The following CAPZA1 variants were observed in gnomAD, a reference collection of about 807,000 sequenced individuals.
CAPZA1 encodes the protein F-actin-capping protein subunit alpha-1.
A neutral mutation model predicts 40.8 loss-of-function variants in CAPZA1; 10 were observed. That is an observed-to-expected ratio of 0.25 (90% CI 0.15 to 0.42). The LOEUF (loss-of-function observed/expected upper bound fraction) is 0.42. Among genes scored for constraint, CAPZA1 ranks in the 10% least tolerant of loss-of-function variants. The probability of loss-of-function intolerance (pLI) is 1.00; values close to 1 mark genes in which losing one functional copy is unlikely to be tolerated. For missense variants in CAPZA1, 277 were observed against 353.8 expected, an observed-to-expected ratio of 0.78 and a Z score of 1.74; for synonymous variants, 98 against 115.0, an observed-to-expected ratio of 0.85 and a Z score of 0.95.
At chr1:112,661,686 G>C (rs940885226) in intron 7 of CAPZA1, among the ~76,000 whole-genome samples, 1 of 152,072 alleles carries the variant, frequency 6.6e-6, no homozygotes, top group Admixed American at 6.6e-5. Context: ...TGTAAATTTT[G>C]TGTAAATAAA....
intron 1 of CAPZA1, among the ~76,000 whole-genome samples, chr1:112,640,196 C>G (rs1267693734): frequency 8.8e-5 from 10 of 113,856 alleles, no homozygotes; most frequent in South Asian, 5.9e-4. Flanking sequence ...GTGGGGGGGT[C>G]AGCCCCCCGC....
At chr1:112,640,827 CTG>C (rs535471524) in intron 1 of CAPZA1, among the ~76,000 whole-genome samples, 1 of 152,188 alleles carries the variant, frequency 6.6e-6, no homozygotes, top group Non-Finnish European at 1.5e-5. Context: ...GTTGCCGTGT[CTG>C]TGTAGAAGGA....
In CAPZA1 at chr1:112,670,010, T is replaced by C. The variant is rs1671798312; in HGVS notation, c.739T>C (p.Tyr247His). Residue 247 changes from tyrosine (Y) to histidine (H), a missense_variant, in exon 10 of 10, where the codon TAT becomes CAT. Physicochemically the swap from Tyr to His is moderately conservative, Grantham distance 83 (BLOSUM62 2). Transcript: ENST00000263168. ...NEYQTAISEN[Y>H]QTMSDTTFKA... ...ATTGCAGACAGCAATTAGTGAAAAC[T>C]ATCAAACAATGTCAGATACCACATT... The C allele has an allele frequency of 1.2e-6, 2 of 1,613,786 alleles. No individual in the cohort carries two copies. Among genetic ancestry groups the C allele is most frequent in the African/African-American group, 2.7e-5 (2 of 74,928 alleles).
chr1:112,657,585 A>G (rs1396497455), intron 5 of CAPZA1, among the ~76,000 whole-genome samples: 2 of 149,620 alleles, frequency 1.3e-5, no homozygotes, highest in Non-Finnish European at 1.5e-5. Flanking sequence ...GCTGTCAGCA[A>G]CCCCTAATTC....
intron 1 of CAPZA1, among the ~76,000 whole-genome samples, chr1:112,646,029 A>G (rs1041928128): frequency 2.6e-5 from 4 of 152,156 alleles, no homozygotes; most frequent in African/African-American, 9.7e-5. Flanking sequence ...ATTGGAGTAG[A>G]GCATTTTCCC....
intron 1 of CAPZA1, among the ~76,000 whole-genome samples, chr1:112,629,611 T>A (rs912016793): frequency 1.4e-4 from 22 of 152,380 alleles, no homozygotes; most frequent in African/African-American, 5.3e-4. Context: ...TGAGGCCATA[T>A]TGAGGACTCC....
chr1:112,667,029 C>G, intron 7 of CAPZA1, 45 bp from the exon 8 acceptor site: 3 of 1,378,700 alleles, frequency 2.2e-6, no homozygotes, highest in Non-Finnish European at 3.1e-6. Flanking sequence ...TAACAGGTTT[C>G]TCTATGAACT....
At chr1:112,664,489 A>G (rs569101341) in intron 7 of CAPZA1, among the ~76,000 whole-genome samples, 8 of 152,302 alleles carry the variant, frequency 5.3e-5, no homozygotes, top group Non-Finnish European at 1.0e-4. Context: ...TAGCTCTGGA[A>G]TTTGACCTAA....
intron 7 of CAPZA1, chr1:112,666,871 A>G: frequency 3.8e-6 from 2 of 523,086 alleles, no homozygotes; most frequent in Admixed American, 3.7e-5. Context: ...TTTCCTTGCT[A>G]AGGAAAAAGC....
chr1:112,634,426 A>G (rs549471585), intron 1 of CAPZA1, among the ~76,000 whole-genome samples: 4 of 152,288 alleles, frequency 2.6e-5, no homozygotes, highest in Admixed American at 1.3e-4. Context: ...AAAGTTGTGT[A>G]GTTATTGGTG....
chr1:112,621,902 C>A (rs1670682933), intron 1 of CAPZA1, among the ~76,000 whole-genome samples: 1 of 151,628 alleles, frequency 6.6e-6, no homozygotes, highest in Admixed American at 6.6e-5. Context: ...GCTAGGATTA[C>A]AGGCGCCCGC....
intron 1 of CAPZA1, among the ~76,000 whole-genome samples, chr1:112,641,703 A>G (rs540213565): frequency 2.6e-5 from 4 of 152,228 alleles, no homozygotes; most frequent in Admixed American, 2.6e-4. Context: ...AGCCTAGCCA[A>G]CATGGTGAAA....
At chr1:112,643,141 TAA>T (rs1320948254) in intron 1 of CAPZA1, among the ~76,000 whole-genome samples, 1 of 152,210 alleles carries the variant, frequency 6.6e-6, no homozygotes, top group East Asian at 1.9e-4. Flanking sequence ...ATTTTTTAAA[TAA>T]GAGATTGATA....
At chr1:112,636,211 A>G (rs1464462730) in intron 1 of CAPZA1, among the ~76,000 whole-genome samples, 1 of 152,204 alleles carries the variant, frequency 6.6e-6, no homozygotes, top group Non-Finnish European at 1.5e-5. Context: ...TTCTAGGGAA[A>G]ATGAAACTTA....
At chr1:112,622,789 C>A (rs560693362) in intron 1 of CAPZA1, among the ~76,000 whole-genome samples, 3 of 151,462 alleles carry the variant, frequency 2.0e-5, no homozygotes, top group African/African-American at 7.3e-5. Context: ...TTTTGAGAAA[C>A]AAGTTTATCA....
chr1:112,645,974 A>C (rs1481218430), intron 1 of CAPZA1, among the ~76,000 whole-genome samples: 1 of 152,106 alleles, frequency 6.6e-6, no homozygotes, highest in East Asian at 1.9e-4. Flanking sequence ...TTAAAAAAAA[A>C]AAATGGAGCA....
At position 112,653,437 on chromosome 1, in the gene CAPZA1, T is replaced by C. The variant is rs570285102; in HGVS notation, c.156-161T>C. On this transcript the variant is annotated intron_variant, in intron 3 of 9. Coordinates refer to ENST00000263168, the MANE Select transcript of CAPZA1 (RefSeq NM_006135.3). ...CCCTTCAGAAAGCTGGAAGGCATTA[T>C]GTTAACACTGGATGTCTGGGGAGAA... Among the ~76,000 whole-genome samples, 3 of 152,340 alleles carry C rather than the reference T, an allele frequency of 2.0e-5. No individual in the cohort carries two copies. In the East Asian group the frequency reaches 5.8e-4, roughly 29 times the overall value.
intron 7 of CAPZA1, among the ~76,000 whole-genome samples, chr1:112,664,695 G>A (rs1671689579): frequency 6.6e-6 from 1 of 152,128 alleles, no homozygotes; most frequent in South Asian, 2.1e-4. Context: ...CAGTACTTTT[G>A]GGAGACCGAG....
At chr1:112,655,992 TATG>T (rs1347193903) in intron 5 of CAPZA1, among the ~76,000 whole-genome samples, 6 of 152,188 alleles carry the variant, frequency 3.9e-5, no homozygotes, top group South Asian at 4.1e-4. Context: ...TTGACAAAAA[TATG>T]ATATGTACAA....
Sources: allele counts gnomAD v4.1 joint callset (sites outside exome capture counted in the v4.1 genomes callset), GRCh38; gene constraint gnomAD v4.1.1; transcripts MANE v1.5; gene names NCBI Gene and HGNC (gene_info 2026-07-23, HGNC 2026-07-21).